SUMF1: variants seen among roughly 807,000 people sequenced by gnomAD.
SUMF1 encodes the protein formylglycine-generating enzyme.
In SUMF1, 48 loss-of-function variants were observed where a neutral mutation model predicts 47.6. The observed-to-expected ratio is 1.01, with a 90% CI of 0.80 to 1.28. The LOEUF (loss-of-function observed/expected upper bound fraction) is 1.28. Ranked by LOEUF, SUMF1 falls within the 50% of genes most tolerant of loss-of-function variation. SUMF1 has a pLI of 0.00. For synonymous variants in SUMF1, 230 were observed against 192.1 expected, an observed-to-expected ratio of 1.20 and a Z score of -1.63; for missense variants, 571 against 485.4, an observed-to-expected ratio of 1.18 and a Z score of -1.66.
At chr3:4,369,746 C>T (rs2125202846) in intron 8 of SUMF1, among the ~76,000 whole-genome samples, 1 of 152,230 alleles carries the variant, frequency 6.6e-6, no homozygotes, top group Middle Eastern at 3.4e-3. Flanking sequence ...TTCAGGAAGT[C>T]TAGTATGGGG....
rs1043940153 is a variant in SUMF1, at chr3:4,326,980, C to G, written c.1014+49350G>C. Among the ~76,000 whole-genome samples the G allele has an allele frequency of 2.0e-5, 3 of 152,112 alleles. No homozygotes were observed. In the South Asian group the frequency reaches 6.2e-4, roughly 32 times the overall value. On this transcript the variant is annotated intron_variant and NMD_transcript_variant, in intron 8 of 12. Transcript: ENST00000448413. The stretch of plus-strand genomic sequence containing the variant: ...AAAACAGATTCTTGCTGAACTTATG[C>G]AAATAACTATATTGTTATAAGTTAA...
At chr3:4,359,472 G>C (rs1242700597), downstream of SUMF1, among the ~76,000 whole-genome samples, 2 of 152,084 alleles carry the variant, frequency 1.3e-5, no homozygotes, top group Non-Finnish European at 2.9e-5. Flanking sequence ...TTGTAAAGAT[G>C]GGGTCTCGCT....
chr3:4,167,783 T>C (rs1420709725), intron 8 of SUMF1, among the ~76,000 whole-genome samples: 2 of 152,214 alleles, frequency 1.3e-5, no homozygotes, highest in Non-Finnish European at 2.9e-5. Context: ...ATTTGACTTA[T>C]ATTTATCTGA....
At chr3:4,256,493 T>C (rs1273656385) in intron 8 of SUMF1, among the ~76,000 whole-genome samples, 16 of 145,942 alleles carry the variant, frequency 1.1e-4, no homozygotes, top group African/African-American at 3.1e-4. Context: ...AACACCTCTA[T>C]GCAAATAAAC....
intron 8 of SUMF1, among the ~76,000 whole-genome samples, chr3:4,171,112 GGA>G (rs1218150869): frequency 6.6e-6 from 1 of 152,178 alleles, no homozygotes; most frequent in Non-Finnish European, 1.5e-5. Flanking sequence ...ATGCCCTTAA[GGA>G]GAGAGGATAC....
chr3:4,170,444 G>C (rs540376140), intron 8 of SUMF1, among the ~76,000 whole-genome samples: 1 of 152,278 alleles, frequency 6.6e-6, no homozygotes, highest in East Asian at 1.9e-4. Context: ...GCCGCTTTAA[G>C]TTTATGCTGA....
intron 9 of SUMF1, among the ~76,000 whole-genome samples, chr3:4,061,883 G>C (rs1395503068): frequency 6.6e-6 from 1 of 152,106 alleles, no homozygotes; most frequent in Admixed American, 6.6e-5. Flanking sequence ...AAGTATGTAA[G>C]GAGGCCGCTT....
At chr3:4,210,718 G>A (rs1419841962) in intron 8 of SUMF1, among the ~76,000 whole-genome samples, 1 of 152,046 alleles carries the variant, frequency 6.6e-6, no homozygotes, top group East Asian at 1.9e-4. Flanking sequence ...CACCCCATGT[G>A]ATGGTTAACA....
At chr3:4,313,811 A>C (rs778871023) in intron 8 of SUMF1, 1 of 1,606,886 alleles carries the variant, frequency 6.2e-7, no homozygotes, top group East Asian at 2.2e-5. Context: ...AGTGGAAGAC[A>C]GTGGTTGGCT....
intron 8 of SUMF1, chr3:4,313,331 G>C: frequency 1.2e-6 from 2 of 1,613,634 alleles, no homozygotes; most frequent in African/African-American, 2.7e-5. Flanking sequence ...ATAGCCATCA[G>C]GGAACATGTT....
At chr3:4,325,275 G>A (rs1698918338) in intron 8 of SUMF1, among the ~76,000 whole-genome samples, 1 of 151,958 alleles carries the variant, frequency 6.6e-6, no homozygotes, top group African/African-American at 2.4e-5. Context: ...TCACTAGAAT[G>A]ATTTATTCCT....
intron 8 of SUMF1, among the ~76,000 whole-genome samples, chr3:4,187,612 A>T (rs193290987): frequency 6.6e-6 from 1 of 152,322 alleles, no homozygotes; most frequent in East Asian, 1.9e-4. Flanking sequence ...GGGTTTCCCA[A>T]TAAGTGAAAA....
chr3:4,216,401 T>A (rs1574987391), intron 8 of SUMF1, among the ~76,000 whole-genome samples: 2 of 152,170 alleles, frequency 1.3e-5, no homozygotes, highest in African/African-American at 4.8e-5. Context: ...CAAGATGTAT[T>A]ACAGAGTTAA....
intron 8 of SUMF1, among the ~76,000 whole-genome samples, chr3:4,335,579 C>G (rs1005748925): frequency 5.3e-5 from 8 of 152,120 alleles, no homozygotes; most frequent in Non-Finnish European, 8.8e-5. Context: ...AAAATTTGGG[C>G]GAGGTCAGGG....
At chr3:4,316,907 C>A (rs1165169981) in intron 8 of SUMF1, 15 of 1,549,420 alleles carry the variant, frequency 9.7e-6, no homozygotes, top group Non-Finnish European at 1.3e-5. Flanking sequence ...AACTGCAACG[C>A]CTGCAGCTGG....
chr3:4,148,639 T>C (rs535291802), intron 8 of SUMF1, among the ~76,000 whole-genome samples: 139 of 152,278 alleles, frequency 9.1e-4, no homozygotes, highest in Admixed American at 1.8e-3. Context: ...ATCTCTGACA[T>C]TGTAGTTCAA....
chr3:4,445,847 T>A (rs1702763035), intron 3 of SUMF1, among the ~76,000 whole-genome samples: 1 of 152,234 alleles, frequency 6.6e-6, no homozygotes, highest in African/African-American at 2.4e-5. Flanking sequence ...ACTATAGTTA[T>A]ATAAGATGGT....
chr3:4,103,186 G>C (rs907258243), intron 8 of SUMF1, among the ~76,000 whole-genome samples: 3 of 151,518 alleles, frequency 2.0e-5, no homozygotes, highest in Admixed American at 2.0e-4. Flanking sequence ...GCCTCCCAAA[G>C]TGCTGAGATT....
chr3:4,334,240 T>C (rs183753079), intron 8 of SUMF1, among the ~76,000 whole-genome samples: 10 of 152,182 alleles, frequency 6.6e-5, no homozygotes, highest in Non-Finnish European at 1.2e-4. Context: ...CTTCTAACCA[T>C]AGAGCTCTCT....
Sources: allele counts gnomAD v4.1 joint callset (sites outside exome capture counted in the v4.1 genomes callset), GRCh38; gene constraint gnomAD v4.1.1; transcripts MANE v1.5; gene names NCBI Gene and HGNC (gene_info 2026-07-23, HGNC 2026-07-21).